Variants in AJAP1 observed in about 807,000 individuals in gnomAD.
AJAP1 encodes adherens junctions associated protein 1, also known as adherens junction-associated protein 1.
Under a neutral mutation model 35.0 loss-of-function variants are expected in AJAP1, and 5 were observed. The observed-to-expected ratio is 0.14, with a 90% CI of 0.07 to 0.30. AJAP1 has a LOEUF of 0.30. Among genes scored for constraint, AJAP1 ranks in the 10% least tolerant of loss-of-function variants. The probability of loss-of-function intolerance (pLI) is 1.00; values close to 1 mark genes in which losing one functional copy is unlikely to be tolerated. For synonymous variants in AJAP1, 284 were observed against 249.3 expected (o/e 1.14, Z -1.31); for missense variants, 586 against 571.0 (o/e 1.03, Z -0.27).
intron 2 of AJAP1, among the ~76,000 whole-genome samples, chr1:4,762,395 G>A (rs1478377388): frequency 2.0e-5 from 3 of 152,216 alleles, no homozygotes; most frequent in African/African-American, 7.2e-5. Context: ...TAGGGCCGTG[G>A]GGTATTGTGG....
chr1:4,702,774 C>T (rs1401337199), intron 1 of AJAP1, among the ~76,000 whole-genome samples: 1 of 152,136 alleles, frequency 6.6e-6, no homozygotes, highest in East Asian at 1.9e-4. Context: ...CCCGGGACCA[C>T]CCCAGGTTCT....
At chr1:4,707,410 C>T (rs996302253) in intron 1 of AJAP1, among the ~76,000 whole-genome samples, 4 of 152,142 alleles carry the variant, frequency 2.6e-5, no homozygotes, top group Non-Finnish European at 4.4e-5. Context: ...AAGAAACCCC[C>T]TACCCCATTA....
chr1:4,718,537 T>G (rs1233344064), intron 2 of AJAP1, among the ~76,000 whole-genome samples: 2 of 150,988 alleles, frequency 1.3e-5, no homozygotes, highest in Non-Finnish European at 3.0e-5. Flanking sequence ...CAGGCTGGAG[T>G]GCAGTGGGGC....
intron 2 of AJAP1, among the ~76,000 whole-genome samples, chr1:4,736,996 A>T (rs1411793381): frequency 6.6e-6 from 1 of 152,316 alleles, no homozygotes; most frequent in East Asian, 1.9e-4. Context: ...CGCTTAATCC[A>T]GCCATCATCT....
In AJAP1 at chr1:4,781,985, G is replaced by A. The variant is rs1169152552; in HGVS notation, c.*60-560G>A. On this transcript the variant is annotated intron_variant, in intron 5 of 5. Coordinates refer to ENST00000378191, the MANE Select transcript of AJAP1 (RefSeq NM_018836.4). The stretch of plus-strand genomic sequence containing the variant: ...CTCTCTTTGGCAAGATCACCTCTGG[G>A]GAGATGTGGGAGGTGGATTTTCTGA... Among the ~76,000 whole-genome samples the A allele has an allele frequency of 3.9e-5, 6 of 152,322 alleles. No individual in the cohort carries two copies. The East Asian group carries it at 1.2e-3, about 29-fold the overall frequency.
intron 2 of AJAP1, among the ~76,000 whole-genome samples, chr1:4,764,623 G>C (rs1641640931): frequency 6.6e-6 from 1 of 152,170 alleles, no homozygotes; most frequent in South Asian, 2.1e-4. Context: ...ACTTACACTT[G>C]TTGCATGACA....
At chr1:4,760,553 G>A (rs1484238578) in intron 2 of AJAP1, among the ~76,000 whole-genome samples, 1 of 152,180 alleles carries the variant, frequency 6.6e-6, no homozygotes, top group Non-Finnish European at 1.5e-5. Flanking sequence ...CCGCCCCTGG[G>A]ATGGCCCAGG....
intron 2 of AJAP1, among the ~76,000 whole-genome samples, chr1:4,724,139 G>A (rs1197528740): frequency 6.6e-6 from 1 of 152,204 alleles, no homozygotes; most frequent in East Asian, 1.9e-4. Context: ...AGGCTGGGGT[G>A]GACAAGGAGC....
intron 2 of AJAP1, 59 bp downstream of exon 2, chr1:4,712,758 T>G: frequency 6.9e-7 from 1 of 1,457,860 alleles, no homozygotes; most frequent in Non-Finnish European, 9.1e-7. Context: ...GGAGCGTGAC[T>G]CGGGAGAGAT....
At chr1:4,730,860 T>C (rs1376911675) in intron 2 of AJAP1, among the ~76,000 whole-genome samples, 1 of 152,164 alleles carries the variant, frequency 6.6e-6, no homozygotes, top group Non-Finnish European at 1.5e-5. Context: ...TCCAGTGTTC[T>C]CATCCCCTGC....
At chr1:4,748,330 A>G (rs1397749145) in intron 2 of AJAP1, among the ~76,000 whole-genome samples, 1 of 151,886 alleles carries the variant, frequency 6.6e-6, no homozygotes, top group African/African-American at 2.4e-5. Flanking sequence ...ATCTCCTGTT[A>G]CTCATGATGC....
intron 1 of AJAP1, among the ~76,000 whole-genome samples, chr1:4,674,042 CAAAA>C (rs57335438): frequency 1.1e-4 from 9 of 81,948 alleles, no homozygotes; most frequent in South Asian, 5.6e-4. Context: ...CCCCCGCCAC[CAAAA>C]AAAAAAAAAA....
intron 1 of AJAP1, among the ~76,000 whole-genome samples, chr1:4,658,186 T>C (rs1048976136): frequency 6.6e-5 from 10 of 152,186 alleles, no homozygotes; most frequent in African/African-American, 2.4e-4. Flanking sequence ...TGGGTTGCGC[T>C]CAGGACTGTG....
At position 4,720,762 on chromosome 1, in the gene AJAP1, C is replaced by T. The variant is rs1247861705; in HGVS notation, c.829+8063C>T. On this transcript the variant is annotated intron_variant, in intron 2 of 5. Transcript: ENST00000378191. The surrounding 1 kb of genome is among the most constrained non-coding windows in gnomAD (Gnocchi z 4.4). ...GTTTGTGGTGGGAAAATGCCATTTG[C>T]TTTCTGTGACCTTCAGTATCCTCTT... Among the ~76,000 whole-genome samples the T allele has an allele frequency of 6.6e-6, 1 of 152,166 alleles. No individual in the cohort carries two copies. Among genetic ancestry groups the T allele is most frequent in the African/African-American group, 2.4e-5 (1 of 41,436 alleles).
chr1:4,774,857 A>G (rs1403134983), intron 5 of AJAP1, among the ~76,000 whole-genome samples: 1 of 152,046 alleles, frequency 6.6e-6, no homozygotes, highest in Non-Finnish European at 1.5e-5. Flanking sequence ...AGGCCACCAC[A>G]TGCGTGGCCT....
chr1:4,790,948 TTTTG>T lies in AJAP1; in HGVS notation c.*8467_*8470del, dbSNP rs199619811. 0.063 allele frequency: 9,619 copies of T among 152,054 alleles called. 368 individuals carry two copies. The highest frequency in any genetic ancestry group is 0.2 in the Middle Eastern group (57 of 292). 9.4% of individuals were successfully genotyped at this position (152,054 alleles called of 1,614,324 possible). Reference sequence around the variant, plus strand: ...TTTTTGTTTTTGTTTTTGTTTTTGTTTTTGTTTTGTTTAATTTCCTCTTCTGGCA... The same window carrying T: ...TTTTTGTTTTTGTTTTTGTTTTTGTTTTTTGTTTAATTTCCTCTTCTGGCA... On this transcript the variant is annotated 3_prime_UTR_variant, in exon 6 of 6. Transcript: ENST00000378191.
intron 1 of AJAP1, 62 bp from the exon 2 acceptor site, chr1:4,711,838 G>C (rs571820806): frequency 1.3e-5 from 18 of 1,337,556 alleles, no homozygotes; most frequent in Non-Finnish European, 1.7e-5. Context: ...AGAGGGCCCC[G>C]GGGCCCAGTC....
At position 4,699,997 on chromosome 1, in the gene AJAP1, C is replaced by G. The variant is rs143026762; in HGVS notation, c.30-11903C>G. ...GCCGTCCTCTTCAGTTTGGTTTTCT[C>G]TAGTTAAATATGCATCTGTGTGATG... On this transcript the variant is annotated intron_variant, in intron 1 of 5. Coordinates refer to ENST00000378191, the MANE Select transcript of AJAP1 (RefSeq NM_018836.4). Among the ~76,000 whole-genome samples the G allele has an allele frequency of 1.2e-3, 189 of 152,302 alleles. 3 individuals carry two copies. The highest frequency in any genetic ancestry group is 3.3e-3 in the Admixed American group (50 of 15,310).
intron 2 of AJAP1, among the ~76,000 whole-genome samples, chr1:4,733,359 A>G (rs1313654002): frequency 6.6e-6 from 1 of 151,922 alleles, no homozygotes; most frequent in African/African-American, 2.4e-5. Context: ...ACCCAACAGA[A>G]GCAGGTCACA....
Sources: allele counts gnomAD v4.1 joint callset (sites outside exome capture counted in the v4.1 genomes callset), GRCh38; gene constraint gnomAD v4.1.1; non-coding constraint Gnocchi (gnomAD v3.1); transcripts MANE v1.5; gene names NCBI Gene and HGNC (gene_info 2026-07-23, HGNC 2026-07-21).